STARD13: variants seen among roughly 807,000 people sequenced by gnomAD.
STARD13 encodes stAR-related lipid transfer protein 13.
A neutral mutation model predicts 106.4 loss-of-function variants in STARD13; 62 were observed. That is an observed-to-expected ratio of 0.58 (90% CI 0.48 to 0.72). The LOEUF is 0.72. Ranked by LOEUF, STARD13 falls within the 30% of genes least tolerant of loss-of-function variation. The pLI, the probability that STARD13 is intolerant of heterozygous loss-of-function variation, is 0.00. For synonymous variants in STARD13, 565 were observed against 553.0 expected (o/e 1.02, Z -0.31); for missense variants, 1,387 against 1,424.0 (o/e 0.97, Z 0.42).
At chr13:33,427,555 A>AT in the STARD13 span, among the ~76,000 whole-genome samples, 3 of 152,104 alleles carry the variant, frequency 2.0e-5, no homozygotes, top group East Asian at 5.8e-4. Context: ...ACCCAATACT[A>AT]TTTTTCACGA....
chr13:33,416,341 G>A, the STARD13 span, among the ~76,000 whole-genome samples: 1 of 152,214 alleles, frequency 6.6e-6, no homozygotes, highest in South Asian at 2.1e-4. Flanking sequence ...GATTCCATTT[G>A]AGCTAGTTGT....
the STARD13 span, among the ~76,000 whole-genome samples, chr13:33,358,945 TCTAA>T: frequency 6.6e-6 from 1 of 152,144 alleles, no homozygotes. Context: ...AAACTCTGTA[TCTAA>T]CTAATCTGAT....
the STARD13 span, among the ~76,000 whole-genome samples, chr13:33,491,490 A>C: frequency 6.6e-6 from 1 of 152,218 alleles, no homozygotes; most frequent in Non-Finnish European, 1.5e-5. Context: ...GGATTTAGCA[A>C]AAATTCCTAA....
upstream of STARD13, among the ~76,000 whole-genome samples, chr13:33,288,248 T>C (rs1459443232): frequency 6.6e-6 from 1 of 152,138 alleles, no homozygotes; most frequent in Non-Finnish European, 1.5e-5. Context: ...AAAATAATCT[T>C]AGCAATAAAG....
At chr13:33,187,492 C>T (rs962949656) in intron 1 of STARD13, among the ~76,000 whole-genome samples, 1 of 152,092 alleles carries the variant, frequency 6.6e-6, no homozygotes, top group Admixed American at 6.5e-5. Flanking sequence ...AACCTGAGAC[C>T]TGTTCAGAAG....
chr13:33,563,875 G>GCA, the STARD13 span, among the ~76,000 whole-genome samples: 15 of 147,320 alleles, frequency 1.0e-4, 2 homozygotes, highest in Non-Finnish European at 2.1e-4. Flanking sequence ...CAACTTAGTA[G>GCA]CACACACACG....
At chr13:33,184,091 T>C (rs1885517032) in intron 1 of STARD13, among the ~76,000 whole-genome samples, 2 of 152,210 alleles carry the variant, frequency 1.3e-5, no homozygotes, top group Non-Finnish European at 2.9e-5. Context: ...TACTTTAAAC[T>C]TCTCCTTCCT....
At chr13:33,477,261 G>T in the STARD13 span, among the ~76,000 whole-genome samples, 1 of 152,104 alleles carries the variant, frequency 6.6e-6, no homozygotes, top group Non-Finnish European at 1.5e-5. Flanking sequence ...ATGCTTAAAG[G>T]GTTTTCAGGG....
chr13:33,303,628 T>C (rs1892799587), intron 1 of STARD13, among the ~76,000 whole-genome samples: 1 of 152,178 alleles, frequency 6.6e-6, no homozygotes, highest in Non-Finnish European at 1.5e-5. Context: ...TGTTATATAC[T>C]GGAATTTAAG....
chr13:33,647,130 C>T, the STARD13 span, among the ~76,000 whole-genome samples: 6 of 152,148 alleles, frequency 3.9e-5, no homozygotes, highest in African/African-American at 1.4e-4. Flanking sequence ...TCCTCCTTAA[C>T]TTTGATGTCT....
At chr13:33,223,083 G>C (rs1009054181) in intron 1 of STARD13, among the ~76,000 whole-genome samples, 34 of 152,232 alleles carry the variant, frequency 2.2e-4, no homozygotes, top group African/African-American at 8.2e-4. Flanking sequence ...TGTTAATTTA[G>C]TTAAGATCTG....
At chr13:33,673,810 T>C in the STARD13 span, among the ~76,000 whole-genome samples, 1 of 152,104 alleles carries the variant, frequency 6.6e-6, no homozygotes, top group Non-Finnish European at 1.5e-5. Flanking sequence ...GTCCTGGAAT[T>C]ACAGGTGTGA....
At chr13:33,671,043 G>A in the STARD13 span, among the ~76,000 whole-genome samples, 11 of 152,200 alleles carry the variant, frequency 7.2e-5, no homozygotes, top group Non-Finnish European at 1.3e-4. Flanking sequence ...ATGCTGATAG[G>A]TATTTTTTCA....
At chr13:33,332,991 AT>A (rs1202591638) in intron 1 of STARD13, among the ~76,000 whole-genome samples, 1 of 152,064 alleles carries the variant, frequency 6.6e-6, no homozygotes, top group Non-Finnish European at 1.5e-5. Context: ...CAAGAAATTC[AT>A]TTTTTTCTTA....
At chr13:33,256,894 C>A (rs1223010336) in intron 1 of STARD13, among the ~76,000 whole-genome samples, 1 of 152,106 alleles carries the variant, frequency 6.6e-6, no homozygotes, top group African/African-American at 2.4e-5. Context: ...ACAATGTTTG[C>A]AGTGGAAATA....
At chr13:33,163,684 CAT>C (rs71196508) in intron 3 of STARD13, among the ~76,000 whole-genome samples, 2,876 of 47,236 alleles carry the variant, frequency 0.061, 142 homozygotes, top group African/African-American at 0.17. Context: ...ATATATAAAA[CAT>C]ATATATATAT....
chr13:33,286,106 G>C (rs1566118995), upstream of STARD13, among the ~76,000 whole-genome samples: 1 of 152,104 alleles, frequency 6.6e-6, no homozygotes, highest in Non-Finnish European at 1.5e-5. Flanking sequence ...GCTTTCTACA[G>C]GGCAGCAGCA....
chr13:33,294,049 AG>A (rs1892394321), intron 1 of STARD13, among the ~76,000 whole-genome samples: 1 of 152,218 alleles, frequency 6.6e-6, no homozygotes, highest in Non-Finnish European at 1.5e-5. Flanking sequence ...ACCATCAAAC[AG>A]GACAGTTTAA....
intron 1 of STARD13, among the ~76,000 whole-genome samples, chr13:33,319,200 A>AT (rs1393985499): frequency 1.3e-5 from 2 of 152,276 alleles, no homozygotes; most frequent in Non-Finnish European, 1.5e-5. Context: ...ATACAATGGA[A>AT]TATTATTCAG....
Sources: gnomAD v4.1 joint callset for allele counts (sites outside exome capture counted in the v4.1 genomes callset) on GRCh38, gnomAD v4.1.1 for gene constraint, MANE v1.5 for transcripts, NCBI Gene and HGNC (gene_info 2026-07-23, HGNC 2026-07-21) for gene names.